MTUS1: variants seen among roughly 807,000 people sequenced by gnomAD.
MTUS1 encodes microtubule associated scaffold protein 1.
A neutral mutation model predicts 120.8 loss-of-function variants in MTUS1; 109 were observed. That is an observed-to-expected ratio of 0.90 (90% CI 0.77 to 1.06). The LOEUF is 1.06. MTUS1 is among the 50% of genes least tolerant of loss of function. MTUS1 has a pLI of 0.00. For missense variants in MTUS1, 2,210 were observed against 1,486.3 expected (o/e 1.49, Z -8.01); for synonymous variants, 737 against 550.5 (o/e 1.34, Z -4.74).
At position 17,721,846 on chromosome 8, in the gene MTUS1, A is replaced by G. The variant is rs1233182950; in HGVS notation, c.2449+1826T>C. 4 of 1,614,022 alleles carry G rather than the reference A, an allele frequency of 2.5e-6. No individual in the cohort carries two copies. In the African/African-American group the frequency reaches 5.3e-5, roughly 22 times the overall value. On this transcript the variant is annotated intron_variant, in intron 4 of 14. Coordinates refer to ENST00000693296, the MANE Select transcript of MTUS1 (RefSeq NM_001363059.2). ...TGGGGTGAGTGTAGAATTGATAAAG[A>G]TTTTTGAAGAAATATCAGTTTCTGT...
chr8:17,666,760 A>T (rs1490295155), intron 8 of MTUS1, among the ~76,000 whole-genome samples: 1 of 152,176 alleles, frequency 6.6e-6, no homozygotes, highest in Non-Finnish European at 1.5e-5. Flanking sequence ...CCATCAACAC[A>T]ACATCTTTTT....
At chr8:17,653,555 C>A in intron 10 of MTUS1, 57 bp from the exon 11 acceptor site, 1 of 1,256,926 alleles carries the variant, frequency 8.0e-7, no homozygotes, top group Non-Finnish European at 1.2e-6. Flanking sequence ...TCAATGTACT[C>A]TAAAACAGTT....
intron 9 of MTUS1, among the ~76,000 whole-genome samples, chr8:17,655,649 G>T (rs760429345): frequency 1.3e-5 from 2 of 152,068 alleles, no homozygotes; most frequent in African/African-American, 4.8e-5. Context: ...ACTTGAACCC[G>T]GGAGGCAGAG....
intron 1 of MTUS1, among the ~76,000 whole-genome samples, chr8:17,766,236 A>T (rs1293614573): frequency 6.6e-6 from 1 of 152,214 alleles, no homozygotes; most frequent in Non-Finnish European, 1.5e-5. Context: ...AATTTTAAAA[A>T]GAACAGAAAC....
rs144308132 is a variant in MTUS1 at position 17,712,312 on chromosome 8, C to T, written c.2623+902G>A. Among the ~76,000 whole-genome samples the T allele has an allele frequency of 1.1e-4, 16 of 152,010 alleles. No homozygotes were observed. The East Asian group carries it at 3.1e-3, about 29-fold the overall frequency. On this transcript the variant is annotated intron_variant, in intron 6 of 14. Transcript: ENST00000693296. Reference sequence around the variant, plus strand: ...ACAATGTAGGCAGTGTACAGGAGACCTTATCTATCTAGAGAGATCAATCCA... The same window carrying T: ...ACAATGTAGGCAGTGTACAGGAGACTTTATCTATCTAGAGAGATCAATCCA...
At chr8:17,766,908 G>C (rs1313275407) in intron 1 of MTUS1, among the ~76,000 whole-genome samples, 1 of 152,000 alleles carries the variant, frequency 6.6e-6, no homozygotes, top group Non-Finnish European at 1.5e-5. Context: ...TGATAGTGCA[G>C]AGTTAATGGA....
At chr8:17,725,179 C>G (rs1585978985) in intron 3 of MTUS1, among the ~76,000 whole-genome samples, 1 of 152,114 alleles carries the variant, frequency 6.6e-6, no homozygotes, top group East Asian at 1.9e-4. Flanking sequence ...TGAAGACTAC[C>G]CAGAGTTGAA....
intron 7 of MTUS1, chr8:17,676,057 A>G (rs938407027): frequency 1.7e-6 from 1 of 575,964 alleles, no homozygotes; most frequent in Admixed American, 3.1e-5. Flanking sequence ...ACTAAAAAAA[A>G]AATGAAGAAT....
chr8:17,721,967 G>A lies in MTUS1; in HGVS notation c.2449+1705C>T, dbSNP rs139490986. 1.6e-4 allele frequency: 239 copies of A among 1,490,170 alleles called. 1 individual carries two copies. In the African/African-American group the frequency reaches 2.9e-3, roughly 18 times the overall value. 92.3% of individuals were successfully genotyped at this position (1,490,170 alleles called of 1,614,324 possible). On this transcript the variant is annotated intron_variant, in intron 4 of 14. Transcript: ENST00000693296. ...CCATGTTCACTCTCATATCCCTCAT[G>A]CTTGCTCTTAGTGAATTCGAATGGA...
At chr8:17,762,604 G>A (rs1179082140) in intron 1 of MTUS1, among the ~76,000 whole-genome samples, 2 of 152,158 alleles carry the variant, frequency 1.3e-5, no homozygotes, top group Admixed American at 6.5e-5. Context: ...CTATGAAGTT[G>A]CTTAAATCAA....
rs17125228 is a variant in MTUS1, at chr8:17,733,444, T to C, written c.2288-9611A>G. On this transcript the variant is annotated intron_variant, in intron 3 of 14. Transcript: ENST00000693296. ...ATATGCAAAAAGAAAAGGTACCAAATAGTCATAAATTTTTAAGTTAAAAGC... is the reference window on the plus strand; with the variant it reads ...ATATGCAAAAAGAAAAGGTACCAAACAGTCATAAATTTTTAAGTTAAAAGC... 7.6e-3 allele frequency among the ~76,000 whole-genome samples: 1,150 copies of C among 151,968 alleles called. 18 individuals are homozygous for C. Among genetic ancestry groups the C allele is most frequent in the African/African-American group, 0.026 (1,058 of 41,466 alleles).
intron 1 of MTUS1, among the ~76,000 whole-genome samples, chr8:17,792,724 C>G (rs751164715): frequency 6.6e-6 from 1 of 152,186 alleles, no homozygotes; most frequent in African/African-American, 2.4e-5. Context: ...ATTATCCAGG[C>G]GCGGTGGCGC....
Position 17,754,563 on chromosome 8 carries a change from T to G in MTUS1, c.1245A>C (p.Ala415=), listed in dbSNP as rs561708378. The change falls in exon 2 of 15, where the codon GCA becomes GCC. Residue 415 remains alanine (A), a synonymous_variant. Coordinates refer to ENST00000693296, the MANE Select transcript of MTUS1 (RefSeq NM_001363059.2). The part of the protein sequence containing the change: ...VGSSFGLTWD[A]NDMVISTDKT... ...TGTCTGTGCTAATGACCATATCATT[T>G]GCATCCCAAGTCAGTCCAAATGACG... is the stretch of plus-strand genomic sequence containing the variant. 6.2e-7 allele frequency: 1 copy of G among 1,614,226 alleles called. No homozygotes were observed. Among genetic ancestry groups the G allele is most frequent in the East Asian group, 2.2e-5 (1 of 44,886 alleles).
At chr8:17,674,418 C>CAAA in intron 8 of MTUS1, 1 of 755,938 alleles carries the variant, frequency 1.3e-6, no homozygotes, top group Non-Finnish European at 1.6e-6. Context: ...GATTCCGTCT[C>CAAA]AAAAAAAAAA....
At chr8:17,679,371 G>C (rs919112660) in intron 7 of MTUS1, among the ~76,000 whole-genome samples, 2 of 151,712 alleles carry the variant, frequency 1.3e-5, no homozygotes, top group Admixed American at 6.6e-5. Flanking sequence ...GTGTGTGTGT[G>C]TGTGTGTATA....
At chr8:17,692,153 T>C (rs1448180031) in intron 6 of MTUS1, 10 of 152,196 alleles carry the variant, frequency 6.6e-5, no homozygotes, top group Non-Finnish European at 8.8e-5. Context: ...TGTTCTGCCT[T>C]CTCTGTGGCA....
chr8:17,784,673 T>C (rs2051152316), intron 1 of MTUS1, among the ~76,000 whole-genome samples: 2 of 152,306 alleles, frequency 1.3e-5, no homozygotes, highest in South Asian at 4.1e-4. Flanking sequence ...ATGTATACAA[T>C]AGCATGCAGA....
rs145776222 is a variant in MTUS1 at position 17,699,037 on chromosome 8, A to T, written c.2623+14177T>A. Among the ~76,000 whole-genome samples, 20 of 152,224 alleles carry T rather than the reference A, an allele frequency of 1.3e-4. No homozygotes were observed. The East Asian group carries it at 3.9e-3, about 29-fold the overall frequency. ...AGAACCTTTTCCTCTACCTCCCAAA[A>T]CCTTGTAAAAACCAAGAAACCAATC... On this transcript the variant is annotated intron_variant, in intron 6 of 14. Coordinates refer to ENST00000693296, the MANE Select transcript of MTUS1 (RefSeq NM_001363059.2).
In MTUS1 at chr8:17,654,098, C is replaced by T. The variant is rs117782391; in HGVS notation, c.3214+463G>A. On this transcript the variant is annotated intron_variant, in intron 10 of 14. Coordinates refer to ENST00000693296, the MANE Select transcript of MTUS1 (RefSeq NM_001363059.2). Reference sequence around the variant, plus strand: ...GTAGAAAGACTGTGAGCGACACTGCCGATTCTGTTCTGAAAGCAATGGCTT... The same window carrying T: ...GTAGAAAGACTGTGAGCGACACTGCTGATTCTGTTCTGAAAGCAATGGCTT... The T allele has an allele frequency of 8.4e-4, 140 of 165,762 alleles. No individual in the cohort carries two copies. The East Asian group carries it at 0.012, about 14-fold the overall frequency. The allele number at this position is 165,762 out of a possible 1,614,324, so 10.3% of individuals were successfully genotyped here.
Sources: allele counts gnomAD v4.1 joint callset (sites outside exome capture counted in the v4.1 genomes callset), GRCh38; gene constraint gnomAD v4.1.1; transcripts MANE v1.5; gene names NCBI Gene and HGNC (gene_info 2026-07-23, HGNC 2026-07-21).